Variants in ZHX2 observed in about 807,000 individuals in gnomAD.
The protein encoded by ZHX2 is zinc fingers and homeoboxes protein 2.
In ZHX2, 6 loss-of-function variants were observed where a neutral mutation model predicts 21.9. The observed-to-expected ratio is 0.27, with a 90% CI of 0.15 to 0.54. The LOEUF is 0.54. ZHX2 is among the 20% of genes least tolerant of loss of function. The pLI is 0.95. For synonymous variants in ZHX2, 434 were observed against 437.1 expected, an observed-to-expected ratio of 0.99 and a Z score of 0.09; for missense variants, 908 against 1,090.7, an observed-to-expected ratio of 0.83 and a Z score of 2.36.
chr8:122,814,145 C>T (rs1817983274), intron 1 of ZHX2, among the ~76,000 whole-genome samples: 1 of 152,220 alleles, frequency 6.6e-6, no homozygotes, highest in African/African-American at 2.4e-5. Context: ...TTGCAACTCC[C>T]AGAGGCAACA....
intron 2 of ZHX2, among the ~76,000 whole-genome samples, chr8:122,928,633 C>T (rs560206625): frequency 7.2e-5 from 11 of 152,266 alleles, no homozygotes; most frequent in East Asian, 3.9e-4. Context: ...GAAAGTCATT[C>T]GATTCCCGTA....
At chr8:122,903,340 C>A (rs3935742) in intron 2 of ZHX2, among the ~76,000 whole-genome samples, 78,592 of 152,028 alleles carry the variant, frequency 0.52, 20,457 homozygotes, top group South Asian at 0.66. Context: ...TCAGGTGCTC[C>A]TGTATGCTGT....
chr8:122,938,455 G>A (rs1279145027), intron 2 of ZHX2, among the ~76,000 whole-genome samples: 4 of 152,240 alleles, frequency 2.6e-5, no homozygotes, highest in Non-Finnish European at 5.9e-5. Context: ...CTTTGGGATG[G>A]ATGAGTTCAC....
intron 1 of ZHX2, among the ~76,000 whole-genome samples, chr8:122,818,960 T>G (rs999233756): frequency 6.6e-6 from 1 of 152,206 alleles, no homozygotes; most frequent in Non-Finnish European, 1.5e-5. Context: ...AGCTCGCAGA[T>G]AGACCGCGTC....
At position 122,952,895 on chromosome 8, in the gene ZHX2, A is replaced by T; in HGVS notation, c.1385A>T (p.Gln462Leu). Residue 462 changes from glutamine to leucine, a missense_variant, in exon 3 of 4, where the codon CAG becomes CTG. Coordinates refer to ENST00000314393, the MANE Select transcript of ZHX2 (RefSeq NM_014943.5). The surrounding 1 kb of genome is among the most constrained non-coding windows in gnomAD (Gnocchi z 6.9). Reference protein sequence around the residue: ...AHLKASFLQSQFPDDAEVYRL... With the variant: ...AHLKASFLQSLFPDDAEVYRL... Reference sequence around the variant, plus strand: ...CTCAAGGCCAGCTTTCTCCAGAGCCAGTTCCCTGACGATGCCGAGGTTTAC... The same window carrying T: ...CTCAAGGCCAGCTTTCTCCAGAGCCTGTTCCCTGACGATGCCGAGGTTTAC... The T allele has an allele frequency of 1.2e-6, 2 of 1,614,194 alleles. No homozygotes were observed. The highest frequency in any genetic ancestry group is 1.7e-6 in the Non-Finnish European group (2 of 1,180,042).
At chr8:122,927,321 G>A (rs951347865) in intron 2 of ZHX2, among the ~76,000 whole-genome samples, 1 of 152,030 alleles carries the variant, frequency 6.6e-6, no homozygotes, top group East Asian at 1.9e-4. Flanking sequence ...ATGGTGAAAC[G>A]CCGTCTCTAC....
chr8:122,813,489 C>T (rs967581091), intron 1 of ZHX2, among the ~76,000 whole-genome samples: 2 of 152,136 alleles, frequency 1.3e-5, no homozygotes, highest in African/African-American at 4.8e-5. Flanking sequence ...TGAAAGAAGT[C>T]GCCAAGTAGA....
rs1269339335 is a variant in ZHX2 at position 122,952,817 on chromosome 8, C to A, written c.1307C>A (p.Pro436His). Reference protein sequence around the residue: ...VPEPPPKVANPPLTPASDRKK... With the variant: ...VPEPPPKVANHPLTPASDRKK... ...GAGCCCCCACCCAAGGTGGCCAACC[C>A]CCCGCTCACACCAGCCAGTGACCGC... The change falls in exon 3 of 4, where the codon CCC becomes CAC. Residue 436 changes from proline to histidine, a missense_variant. Coordinates refer to ENST00000314393, the MANE Select transcript of ZHX2 (RefSeq NM_014943.5). The surrounding 1 kb of genome is among the most constrained non-coding windows in gnomAD (Gnocchi z 6.9). 1 of 1,614,130 alleles carries A rather than the reference C, an allele frequency of 6.2e-7. No homozygotes were observed. The highest frequency in any genetic ancestry group is 2.2e-5 in the East Asian group (1 of 44,852).
chr8:122,916,009 G>A (rs997212575), intron 2 of ZHX2, among the ~76,000 whole-genome samples: 1 of 152,136 alleles, frequency 6.6e-6, no homozygotes, highest in Admixed American at 6.5e-5. Context: ...TCTAGTTCCC[G>A]GGCCATCTCT....
At position 122,951,500 on chromosome 8, in the gene ZHX2, A is replaced by C; in HGVS notation, c.-11A>C. 1 of 1,605,802 alleles carries C rather than the reference A, an allele frequency of 6.2e-7. No individual in the cohort carries two copies. The highest frequency in any genetic ancestry group is 1.1e-5 in the South Asian group (1 of 89,768). On this transcript the variant is annotated 5_prime_UTR_variant, in exon 3 of 4. Transcript: ENST00000314393. ...CCTCCAAAAATAAGCCATTGCACAC[A>C]GACAGGCAGCATGGCTAGCAAACGA...
intron 2 of ZHX2, among the ~76,000 whole-genome samples, chr8:122,950,292 A>G (rs1813077674): frequency 6.6e-6 from 1 of 152,216 alleles, no homozygotes. Context: ...ATGAAGCTGG[A>G]AGCCATCATT....
intron 2 of ZHX2, among the ~76,000 whole-genome samples, chr8:122,911,350 C>A (rs1160419515): frequency 6.6e-6 from 1 of 152,122 alleles, no homozygotes; most frequent in Non-Finnish European, 1.5e-5. Context: ...CCTGTCTTCT[C>A]AGCCCCTCCC....
At chr8:122,963,285 A>G (rs1488142794) in intron 3 of ZHX2, among the ~76,000 whole-genome samples, 2 of 152,162 alleles carry the variant, frequency 1.3e-5, no homozygotes, top group East Asian at 3.9e-4. Context: ...ATTCATCTTG[A>G]GTTGATTTTT....
intron 1 of ZHX2, among the ~76,000 whole-genome samples, chr8:122,806,519 A>T (rs1014363319): frequency 1.3e-5 from 2 of 152,242 alleles, no homozygotes; most frequent in Non-Finnish European, 2.9e-5. Context: ...CGTAGCAAAG[A>T]GATGGTACAC....
intron 2 of ZHX2, among the ~76,000 whole-genome samples, chr8:122,913,815 CTT>C (rs1428422231): frequency 6.6e-6 from 1 of 152,186 alleles, no homozygotes; most frequent in African/African-American, 2.4e-5. Context: ...TTGGTCCTCT[CTT>C]ATGACAAAGG....
intron 1 of ZHX2, among the ~76,000 whole-genome samples, chr8:122,845,407 T>C (rs1433573467): frequency 6.6e-6 from 1 of 152,270 alleles, no homozygotes; most frequent in Non-Finnish European, 1.5e-5. Context: ...TCTGACTGCA[T>C]AATTAAAATT....
intron 1 of ZHX2, among the ~76,000 whole-genome samples, chr8:122,861,947 A>C (rs1382292649): frequency 2.0e-5 from 3 of 152,212 alleles, no homozygotes; most frequent in Non-Finnish European, 4.4e-5. Flanking sequence ...AGGGCAGTGG[A>C]CAAAAGCGCT....
intron 2 of ZHX2, among the ~76,000 whole-genome samples, chr8:122,935,618 C>A (rs565519091): frequency 6.6e-6 from 1 of 151,054 alleles, no homozygotes; most frequent in South Asian, 2.1e-4. Context: ...TCACTGCAAG[C>A]TCCGCCTCCC....
intron 3 of ZHX2, 22 bp downstream of exon 3, chr8:122,954,050 G>C: frequency 1.4e-5 from 21 of 1,549,702 alleles, no homozygotes; most frequent in Non-Finnish European, 1.8e-5. Context: ...TGCTCACCCA[G>C]GCAGCAGGGG....
Sources: gnomAD v4.1 joint callset for allele counts (sites outside exome capture counted in the v4.1 genomes callset) on GRCh38, gnomAD v4.1.1 for gene constraint, Gnocchi (gnomAD v3.1) non-coding constraint, MANE v1.5 for transcripts, NCBI Gene and HGNC (gene_info 2026-07-23, HGNC 2026-07-21) for gene names.